Variants in APBB1IP observed in about 807,000 individuals in gnomAD.
The protein encoded by APBB1IP is amyloid beta A4 precursor protein-binding family B member 1-interacting protein.
Under a neutral mutation model 64.9 loss-of-function variants are expected in APBB1IP, and 27 were observed. The ratio of observed to expected loss-of-function variants is 0.42; its 90% CI spans 0.31 to 0.57. The LOEUF (loss-of-function observed/expected upper bound fraction) is 0.57, where lower values mean the gene tolerates loss of function less well. APBB1IP is among the 20% of genes least tolerant of loss of function. The pLI is 0.20. For synonymous variants in APBB1IP, 392 were observed against 331.0 expected (o/e 1.18, Z -2.00); for missense variants, 812 against 845.5 (o/e 0.96, Z 0.49).
rs1836276149 is a variant in APBB1IP at position 26,512,703 on chromosome 10, C to T, written c.691+797C>T. ...GTCACTGCAGCCTCGAGCTCCTGGG[C>T]TCAAGCACTCCTCCTGCCTCTGCAT... On this transcript the variant is annotated intron_variant, in intron 7 of 14. Transcript: ENST00000376236. Among the ~76,000 whole-genome samples the T allele has an allele frequency of 2.0e-5, 3 of 152,218 alleles. No homozygotes were observed. The South Asian group carries it at 6.2e-4, about 32-fold the overall frequency.
At position 26,567,390 on chromosome 10, in the gene APBB1IP, G is replaced by A. The variant is rs776042695; in HGVS notation, c.1903G>A (p.Glu635Lys). The A allele has an allele frequency of 6.3e-7, 1 of 1,591,798 alleles. No individual in the cohort carries two copies. Among genetic ancestry groups the A allele is most frequent in the South Asian group, 1.1e-5 (1 of 89,908 alleles). Residue 635 changes from glutamate (E) to lysine (K), a missense_variant, in exon 15 of 15, where the codon GAG (glutamate) becomes AAG (lysine). Glu to Lys is a moderately conservative substitution (Grantham distance 56). Coordinates refer to ENST00000376236, the MANE Select transcript of APBB1IP (RefSeq NM_019043.4). ...KRPPVPPKRQ[E>K]NPGHPGGAGG... is the part of the protein sequence containing the mutation. ...GCCTCCTGTGCCCCCCAAGAGGCAA[G>A]AGAACCCAGGGCACCCCGGCGGAGC...
chr10:26,557,475 G>C lies in APBB1IP; in HGVS notation c.1156-2630G>C, dbSNP rs182530289. On this transcript the variant is annotated intron_variant, in intron 11 of 14. Transcript: ENST00000376236. ...CAAAAATATGAGTAGAGTTTCCTCAGTTGCCTGAAAAGACCAAAGAGAGGA... is the reference window on the plus strand; with the variant it reads ...CAAAAATATGAGTAGAGTTTCCTCACTTGCCTGAAAAGACCAAAGAGAGGA... Among the ~76,000 whole-genome samples the C allele has an allele frequency of 3.3e-5, 5 of 152,338 alleles. No homozygotes were observed. The East Asian group carries it at 9.6e-4, about 29-fold the overall frequency.
intron 14 of APBB1IP, among the ~76,000 whole-genome samples, chr10:26,563,514 A>G (rs1837000233): frequency 6.6e-6 from 1 of 152,252 alleles, no homozygotes; most frequent in African/African-American, 2.4e-5. Context: ...TTTTCAACCG[A>G]ATAGATCAGT....
chr10:26,557,791 AAGTCT>A (rs1836912799), intron 11 of APBB1IP, among the ~76,000 whole-genome samples: 1 of 152,250 alleles, frequency 6.6e-6, no homozygotes, highest in African/African-American at 2.4e-5. Flanking sequence ...AGTCATTAGA[AAGTCT>A]AGCAGAGTGA....
chr10:26,536,209 AAGACTAAGGTCAG>A lies in APBB1IP; in HGVS notation c.1038_1044+6del. ...TGGAATTTATTATGTACCCAAAGGA[AAGACTAAGGTCAG>A]AAAAAAAAAAAAAAAAGCACTTAGC... On this transcript the variant is annotated splice_donor_variant and splice_donor_5th_base_variant and coding_sequence_variant and intron_variant, in exon 10 of 15. Transcript: ENST00000376236. LOFTEE classifies it high-confidence loss of function. The A allele has an allele frequency of 6.4e-7, 1 of 1,565,592 alleles. No individual in the cohort carries two copies.
chr10:26,467,739 G>GT (rs1395848898), intron 2 of APBB1IP, among the ~76,000 whole-genome samples: 6 of 152,172 alleles, frequency 3.9e-5, no homozygotes, highest in Admixed American at 2.0e-4. Context: ...TTTTATTTCA[G>GT]TAAGAAGTGT....
intron 8 of APBB1IP, among the ~76,000 whole-genome samples, chr10:26,521,908 GC>G (rs1836406559): frequency 6.6e-6 from 1 of 152,050 alleles, no homozygotes; most frequent in Non-Finnish European, 1.5e-5. Flanking sequence ...GCGCCACCAT[GC>G]CCAGCTAATT....
intron 3 of APBB1IP, 102 bp downstream of exon 3, chr10:26,492,500 C>CG (rs1835968133): frequency 3.9e-6 from 4 of 1,037,306 alleles, no homozygotes; most frequent in Non-Finnish European, 5.8e-6. Flanking sequence ...ACCCTGATAT[C>CG]GGGGGAACCA....
chr10:26,560,110 C>T lies in APBB1IP; in HGVS notation c.1161C>T (p.Pro387=). 1 of 1,613,984 alleles carries T rather than the reference C, an allele frequency of 6.2e-7. No individual in the cohort carries two copies. The highest frequency in any genetic ancestry group is 8.5e-7 in the Non-Finnish European group (1 of 1,179,938). The change falls in exon 12 of 15, where the codon CCC becomes CCT. Residue 387 remains proline, a synonymous_variant. Transcript: ENST00000376236. ...PTDYCFVLKH[P]QIQKESQYIK... ...TCGAAACTGCTTCTTTCTAGCACCC[C>T]CAAATTCAGAAGGAGTCCCAGTATA... is the stretch of plus-strand genomic sequence containing the variant.
chr10:26,443,039 A>G (rs778206635), intron 2 of APBB1IP, among the ~76,000 whole-genome samples: 1 of 152,244 alleles, frequency 6.6e-6, no homozygotes, highest in Non-Finnish European at 1.5e-5. Context: ...AGAAATAGTT[A>G]ATAGTAAGTA....
chr10:26,530,457 C>T (rs532156427), intron 8 of APBB1IP, among the ~76,000 whole-genome samples: 6 of 151,684 alleles, frequency 4.0e-5, no homozygotes, highest in African/African-American at 7.3e-5. Flanking sequence ...TTTGGGAGGC[C>T]GAGGCGGGCA....
intron 2 of APBB1IP, among the ~76,000 whole-genome samples, chr10:26,472,131 C>A (rs749217710): frequency 6.6e-6 from 1 of 152,154 alleles, no homozygotes; most frequent in Non-Finnish European, 1.5e-5. Flanking sequence ...AATCCCTCAC[C>A]CCACAGAAAA....
Position 26,560,719 on chromosome 10 carries a change from T to C in APBB1IP, c.1255-11T>C. ...GATTCCTTTCCTTCTTCCTTTGTGT[T>C]CTCTCCCCAGTATGGGAAGACTCTC... On this transcript the variant is annotated splice_polypyrimidine_tract_variant and intron_variant, in intron 12 of 14. Coordinates refer to ENST00000376236, the MANE Select transcript of APBB1IP (RefSeq NM_019043.4). 1 of 1,560,354 alleles carries C rather than the reference T, an allele frequency of 6.4e-7. No individual in the cohort carries two copies.
chr10:26,459,124 G>T (rs1213399381), intron 2 of APBB1IP, among the ~76,000 whole-genome samples: 1 of 122,724 alleles, frequency 8.1e-6, no homozygotes, highest in African/African-American at 3.2e-5. Flanking sequence ...AGAGTGTGAT[G>T]TTCCCCTTCC....
At chr10:26,541,780 C>A in intron 11 of APBB1IP, 88 bp downstream of exon 11, 1 of 906,920 alleles carries the variant, frequency 1.1e-6, no homozygotes. Context: ...TATAGTTAGC[C>A]ATATGTGTAA....
In APBB1IP at chr10:26,567,128, C is replaced by A; in HGVS notation, c.1641C>A (p.Pro547=). ...KAKGTGGGGL[P]APPDDFLPPP... is the part of the protein sequence containing the mutation. ...AGGGCACAGGCGGCGGGGGCTTGCC[C>A]GCCCCACCCGACGACTTCCTGCCGC... Residue 547 remains proline (P), a synonymous_variant, in exon 15 of 15, where the codon CCC becomes CCA. Coordinates refer to ENST00000376236, the MANE Select transcript of APBB1IP (RefSeq NM_019043.4). 2.1e-6 allele frequency: 3 copies of A among 1,418,892 alleles called. No individual in the cohort carries two copies. The highest frequency in any genetic ancestry group is 1.5e-5 in the African/African-American group (1 of 65,794). 87.9% of individuals were successfully genotyped at this position (1,418,892 alleles called of 1,614,324 possible).
chr10:26,485,191 GT>G (rs1237509455), intron 2 of APBB1IP, among the ~76,000 whole-genome samples: 1 of 152,202 alleles, frequency 6.6e-6, no homozygotes, highest in African/African-American at 2.4e-5. Flanking sequence ...CAGTGTTATA[GT>G]GAATGAGGTT....
intron 2 of APBB1IP, among the ~76,000 whole-genome samples, chr10:26,460,064 CAAGACAAAT>C (rs1474374402): frequency 6.6e-6 from 1 of 151,964 alleles, no homozygotes; most frequent in Non-Finnish European, 1.5e-5. Context: ...AGTTCTGAAC[CAAGACAAAT>C]AATGCTAAAT....
chr10:26,472,637 T>C (rs974109929), intron 2 of APBB1IP, among the ~76,000 whole-genome samples: 3 of 152,150 alleles, frequency 2.0e-5, no homozygotes, highest in Non-Finnish European at 2.9e-5. Context: ...ATGCATTAAA[T>C]GTTGAAAAAC....
Sources: allele counts gnomAD v4.1 joint callset (sites outside exome capture counted in the v4.1 genomes callset), GRCh38; gene constraint gnomAD v4.1.1; transcripts MANE v1.5; gene names NCBI Gene and HGNC (gene_info 2026-07-23, HGNC 2026-07-21).